The following VWA3B variants were observed in gnomAD, a reference collection of about 807,000 sequenced individuals.
VWA3B encodes von Willebrand factor A domain containing 3B.
VWA3B carries 138 observed loss-of-function variants against 158.3 expected under a neutral mutation model. The ratio of observed to expected loss-of-function variants is 0.87; its 90% CI spans 0.76 to 1.00. The LOEUF (loss-of-function observed/expected upper bound fraction) is 1.00, where lower values mean the gene tolerates loss of function less well. VWA3B is among the 50% of genes least tolerant of loss of function. The pLI, the probability that VWA3B is intolerant of heterozygous loss-of-function variation, is 0.00. For missense variants in VWA3B, 1,555 were observed against 1,565.1 expected (o/e 0.99, Z 0.11); for synonymous variants, 596 against 587.3 (o/e 1.01, Z -0.21).
rs548129563 is a variant in VWA3B, at chr2:98,221,377, T to C, written c.2019+3349T>C. On this transcript the variant is annotated intron_variant, in intron 14 of 27. Transcript: ENST00000477737. ...TAATAACAGAAAACCTTTTTGGCAA[T>C]ATCTGTCCTGCTCCAGTCATATACC... 5.3e-5 allele frequency among the ~76,000 whole-genome samples: 8 copies of C among 152,252 alleles called. No individual in the cohort carries two copies. In the South Asian group the frequency reaches 1.7e-3, roughly 32 times the overall value.
intron 14 of VWA3B, among the ~76,000 whole-genome samples, chr2:98,221,426 C>T (rs1684499523): frequency 6.6e-6 from 1 of 152,168 alleles, no homozygotes; most frequent in Non-Finnish European, 1.5e-5. Flanking sequence ...CATCCCCTCC[C>T]CTGGGATTTC....
intron 16 of VWA3B, among the ~76,000 whole-genome samples, chr2:98,232,185 A>T (rs146404711): frequency 6.6e-6 from 1 of 152,184 alleles, no homozygotes; most frequent in Non-Finnish European, 1.5e-5. Context: ...GATATTGTCC[A>T]TTTCAGCTTG....
Position 98,225,717 on chromosome 2 carries a change from A to C in VWA3B, c.2020-2485A>C, listed in dbSNP as rs71429386. Reference sequence around the variant, plus strand: ...CCCAGGAGATCTACAAAAAAAAAAAAAACTGGAACTTTTACGAGATTTCAG... The same window carrying C: ...CCCAGGAGATCTACAAAAAAAAAAACAACTGGAACTTTTACGAGATTTCAG... On this transcript the variant is annotated intron_variant, in intron 14 of 27. Transcript: ENST00000477737. Among the ~76,000 whole-genome samples the C allele has an allele frequency of 1.2e-3, 189 of 152,246 alleles. 1 individual carries two copies. In the Middle Eastern group the frequency reaches 0.02, roughly 16 times the overall value.
At chr2:98,195,305 A>G (rs1389486299) in intron 12 of VWA3B, among the ~76,000 whole-genome samples, 1 of 152,202 alleles carries the variant, frequency 6.6e-6, no homozygotes, top group Admixed American at 6.5e-5. Flanking sequence ...GCAAATATGT[A>G]TCAGAAACAT....
chr2:98,171,652 G>C (rs1679597418), intron 8 of VWA3B, among the ~76,000 whole-genome samples: 1 of 152,036 alleles, frequency 6.6e-6, no homozygotes, highest in South Asian at 2.1e-4. Flanking sequence ...ATTGTAAGCA[G>C]GGGAATGCTA....
At chr2:98,228,427 A>G (rs1685093823) in intron 15 of VWA3B, 95 bp downstream of exon 15, 1 of 1,421,690 alleles carries the variant, frequency 7.0e-7, no homozygotes, top group Admixed American at 2.5e-5. Context: ...TGCTCTGTGA[A>G]ATTTCTTTTA....
chr2:98,240,524 A>G (rs903482806), intron 19 of VWA3B, among the ~76,000 whole-genome samples: 1 of 152,202 alleles, frequency 6.6e-6, no homozygotes, highest in African/African-American at 2.4e-5. Flanking sequence ...AATTCAAATC[A>G]TCCCCCAAAT....
chr2:98,087,409 C>T lies in VWA3B; in HGVS notation c.-33+46C>T, dbSNP rs149522317. On this transcript the variant is annotated intron_variant, in intron 1 of 27. Transcript: ENST00000477737. ...TGCCGCACGAGAGCCGCCGAGGTGC[C>T]GAGCCTTCCAACAAGCGGCCTAGGG... 6.6e-3 allele frequency: 1,007 copies of T among 152,348 alleles called. 4 individuals carry two copies. Among genetic ancestry groups the T allele is most frequent in the African/African-American group, 0.018 (766 of 41,548 alleles). 9.4% of individuals were successfully genotyped at this position (152,348 alleles called of 1,614,324 possible). A position where few individuals can be genotyped will look rare whatever the true frequency, so the allele number is the denominator to read the frequency against.
intron 8 of VWA3B, among the ~76,000 whole-genome samples, chr2:98,165,213 C>T (rs909639129): frequency 4.6e-5 from 7 of 152,316 alleles, no homozygotes; most frequent in African/African-American, 7.2e-5. Flanking sequence ...TCCTTATGAG[C>T]GTTAGCTCAT....
At chr2:98,168,774 A>G (rs1679328759) in intron 8 of VWA3B, among the ~76,000 whole-genome samples, 2 of 152,168 alleles carry the variant, frequency 1.3e-5, no homozygotes, top group African/African-American at 4.8e-5. Context: ...AGCAATAGAA[A>G]CTATCCAAAA....
rs142525407 is a variant in VWA3B at position 98,257,946 on chromosome 2, G to A, written c.2843+1772G>A. 3.3e-3 allele frequency among the ~76,000 whole-genome samples: 497 copies of A among 151,880 alleles called. 3 individuals carry two copies. The highest frequency in any genetic ancestry group is 0.011 in the African/African-American group (463 of 41,444). The stretch of plus-strand genomic sequence containing the variant: ...TCCATTGCCAAATACAAAATCATGA[G>A]CATTTATCCTTTTGTTTTCTTCTAA... On this transcript the variant is annotated intron_variant, in intron 21 of 27. Coordinates refer to ENST00000477737, the MANE Select transcript of VWA3B (RefSeq NM_144992.5).
At chr2:98,248,863 C>CTTTCTTTCTTTCT (rs1553427600) in intron 19 of VWA3B, among the ~76,000 whole-genome samples, 16 of 49,132 alleles carry the variant, frequency 3.3e-4, no homozygotes, top group African/African-American at 1.6e-3. Flanking sequence ...TTCTTTCTTT[C>CTTTCTTTCTTTCT]TTTCTTTCTT....
chr2:98,188,587 TGTG>T lies in VWA3B; in HGVS notation c.1466+461_1466+463del, dbSNP rs368109795. ...TAGCTCCCACATATGAATGAGAACA[TGTG>T]GTATTTATCTTTCTGTGTCTGACTT... On this transcript the variant is annotated intron_variant, in intron 10 of 27. Coordinates refer to ENST00000477737, the MANE Select transcript of VWA3B (RefSeq NM_144992.5). Among the ~76,000 whole-genome samples the T allele has an allele frequency of 3.5e-4, 53 of 152,302 alleles. No individual in the cohort carries two copies. In the East Asian group the frequency reaches 5.8e-3, roughly 17 times the overall value.
intron 22 of VWA3B, 144 bp downstream of exon 22, chr2:98,271,027 A>C (rs1406285758): frequency 1.3e-6 from 1 of 780,380 alleles, no homozygotes; most frequent in African/African-American, 1.8e-5. Context: ...TTAAGGTCTC[A>C]GTACTTTTTT....
At chr2:98,274,816 C>T (rs112782142) in intron 22 of VWA3B, among the ~76,000 whole-genome samples, 1 of 152,152 alleles carries the variant, frequency 6.6e-6, no homozygotes, top group African/African-American at 2.4e-5. Context: ...GTGTTGAGTC[C>T]TTGAGCCAGG....
intron 5 of VWA3B, among the ~76,000 whole-genome samples, chr2:98,123,565 G>A (rs1225933427): frequency 1.3e-5 from 2 of 152,216 alleles, no homozygotes; most frequent in African/African-American, 4.8e-5. Flanking sequence ...GAGGTCTGTT[G>A]AAATGCTGGC....
intron 7 of VWA3B, among the ~76,000 whole-genome samples, chr2:98,160,818 G>C (rs980134975): frequency 2.0e-5 from 3 of 152,178 alleles, no homozygotes; most frequent in African/African-American, 7.2e-5. Context: ...CTAGGCTGTT[G>C]ATGGCCACAG....
At chr2:98,303,633 A>T (rs1469379561) in intron 25 of VWA3B, 69 bp from the exon 26 acceptor site, 1 of 1,438,802 alleles carries the variant, frequency 7.0e-7, no homozygotes, top group Non-Finnish European at 9.7e-7. Context: ...GTTGAGCTAG[A>T]ATAAAATTGT....
chr2:98,217,787 C>A, intron 13 of VWA3B, 59 bp from the exon 14 acceptor site: 1 of 1,451,204 alleles, frequency 6.9e-7, no homozygotes. Context: ...TTTTCATATT[C>A]TTTTCTTTCT....
Sources: allele counts gnomAD v4.1 joint callset (sites outside exome capture counted in the v4.1 genomes callset), GRCh38; gene constraint gnomAD v4.1.1; transcripts MANE v1.5; gene names NCBI Gene and HGNC (gene_info 2026-07-23, HGNC 2026-07-21).